CHD1: variants seen among roughly 807,000 people sequenced by gnomAD.
The protein encoded by CHD1 is chromodomain helicase DNA binding protein 1.
CHD1 carries 36 observed loss-of-function variants against 224.2 expected under a neutral mutation model. The ratio of observed to expected loss-of-function variants is 0.16; its 90% CI spans 0.12 to 0.21. The LOEUF (loss-of-function observed/expected upper bound fraction) is 0.21. Among genes scored for constraint, CHD1 ranks in the 10% least tolerant of loss-of-function variants. The probability of loss-of-function intolerance (pLI) is 1.00; values close to 1 mark genes in which losing one functional copy is unlikely to be tolerated. For synonymous variants in CHD1, 668 were observed against 658.3 expected, an observed-to-expected ratio of 1.01 and a Z score of -0.23; for missense variants, 1,378 against 1,994.8, an observed-to-expected ratio of 0.69 and a Z score of 5.89.
At chr5:98,891,034 TGA>T (rs1361627271) in intron 15 of CHD1, among the ~76,000 whole-genome samples, 1 of 152,212 alleles carries the variant, frequency 6.6e-6, no homozygotes, top group African/African-American at 2.4e-5. Context: ...TTGATTCTGC[TGA>T]GAGAGCAATA....
At chr5:98,912,745 G>A (rs1752505683) in intron 2 of CHD1, among the ~76,000 whole-genome samples, 1 of 152,148 alleles carries the variant, frequency 6.6e-6, no homozygotes, top group Admixed American at 6.5e-5. Context: ...AGTGCTAGTA[G>A]CACTAGAGAA....
At chr5:98,882,447 C>G (rs963840745) in intron 19 of CHD1, among the ~76,000 whole-genome samples, 3 of 151,538 alleles carry the variant, frequency 2.0e-5, no homozygotes, top group Non-Finnish European at 2.9e-5. Flanking sequence ...CTTCTGATAG[C>G]CTTCTTATAC....
intron 2 of CHD1, among the ~76,000 whole-genome samples, chr5:98,924,921 T>C (rs1044652945): frequency 1.3e-4 from 20 of 150,976 alleles, no homozygotes; most frequent in African/African-American, 4.6e-4. Context: ...GAGGTTGCAG[T>C]GAGCCGGGAT....
rs1324736069 is a variant in CHD1 at position 98,905,033 on chromosome 5, C to G, written c.119G>C (p.Ser40Thr). The G allele has an allele frequency of 6.3e-7, 1 of 1,575,168 alleles. No homozygotes were observed. Among genetic ancestry groups the G allele is most frequent in the African/African-American group, 1.3e-5 (1 of 74,156 alleles). ...ACCTGACTGGCTACTGCTTCCATCA[C>G]TACTGCTTCCAGAACTCGAACCAGA... Reference protein sequence around the residue: ...SGSGSSSGSSSDGSSSQSGSS... With the variant: ...SGSGSSSGSSTDGSSSQSGSS... Residue 40 changes from serine to threonine, a missense_variant, in exon 3 of 36, where the codon AGT becomes ACT. Transcript: ENST00000614616.
At chr5:98,857,906 G>A (rs951483335) in intron 35 of CHD1, among the ~76,000 whole-genome samples, 2 of 151,814 alleles carry the variant, frequency 1.3e-5, no homozygotes, top group Admixed American at 6.6e-5. Context: ...TCTTCAAAAC[G>A]AACAATGAAC....
chr5:98,893,218 T>A (rs1440185539), intron 14 of CHD1, among the ~76,000 whole-genome samples, 198 bp downstream of exon 14: 1 of 152,194 alleles, frequency 6.6e-6, no homozygotes, highest in Non-Finnish European at 1.5e-5. Flanking sequence ...TACACATGGC[T>A]TAAGTTTATT....
rs565340787 is a variant in CHD1 at position 98,921,259 on chromosome 5, C to T, written c.53+5075G>A. Among the ~76,000 whole-genome samples the T allele has an allele frequency of 4.6e-5, 7 of 152,256 alleles. No individual in the cohort carries two copies. In the East Asian group the frequency reaches 5.8e-4, roughly 13 times the overall value. On this transcript the variant is annotated intron_variant, in intron 2 of 35. Transcript: ENST00000614616. ...GCCATTGTTACTGCTTCCGGAGAAA[C>T]GAAACTTACCTAGCCTCTTGCTAGT...
chr5:98,885,473 T>C, intron 18 of CHD1, 105 bp downstream of exon 18: 2 of 782,296 alleles, frequency 2.6e-6, no homozygotes, highest in East Asian at 2.8e-5. Flanking sequence ...CACCACTCTT[T>C]TTTTATCAAA....
intron 17 of CHD1, among the ~76,000 whole-genome samples, chr5:98,886,735 T>TA (rs1750674511): frequency 6.6e-6 from 1 of 152,130 alleles, no homozygotes; most frequent in African/African-American, 2.4e-5. Context: ...ATTAAAGTTT[T>TA]AAAAAATTAA....
rs555515903 is a variant in CHD1 at position 98,868,882 on chromosome 5, C to T, written c.4108-247G>A. On this transcript the variant is annotated intron_variant, in intron 30 of 35. Transcript: ENST00000614616. Reference sequence around the variant, plus strand: ...TGTTCAGACCTACTATTCTCCTCTACTGCATACCCAAACATGCTTCTGAAG... The same window carrying T: ...TGTTCAGACCTACTATTCTCCTCTATTGCATACCCAAACATGCTTCTGAAG... The T allele has an allele frequency of 3.0e-5, 14 of 469,614 alleles. No individual in the cohort carries two copies. The South Asian group carries it at 7.7e-4, about 26-fold the overall frequency. 29.1% of individuals were successfully genotyped at this position (469,614 alleles called of 1,614,324 possible). A position where few individuals can be genotyped will look rare whatever the true frequency, so the allele number is the denominator to read the frequency against.
intron 31 of CHD1, among the ~76,000 whole-genome samples, chr5:98,868,173 T>C (rs1369368486): frequency 1.3e-5 from 2 of 151,224 alleles, no homozygotes; most frequent in Non-Finnish European, 1.5e-5. Context: ...TACAAAAAAC[T>C]AAAAATTAGC....
chr5:98,920,092 CATAA>C (rs1752992459), intron 2 of CHD1, among the ~76,000 whole-genome samples: 1 of 152,140 alleles, frequency 6.6e-6, no homozygotes, highest in African/African-American at 2.4e-5. Flanking sequence ...ACCTATTATA[CATAA>C]ATATATACAA....
chr5:98,900,421 A>G (rs1751625381), intron 7 of CHD1, among the ~76,000 whole-genome samples: 1 of 152,048 alleles, frequency 6.6e-6, no homozygotes, highest in South Asian at 2.1e-4. Flanking sequence ...AACACTGTAG[A>G]AAAATCTTAA....
Position 98,893,098 on chromosome 5 carries a change from C to T in CHD1, c.1991+318G>A, listed in dbSNP as rs1250611616. Reference sequence around the variant, plus strand: ...TTCCTCATTTAGAAAAAGGGATTACCAGCACCTCATTGTTGTTACTCCTAC... The same window carrying T: ...TTCCTCATTTAGAAAAAGGGATTACTAGCACCTCATTGTTGTTACTCCTAC... On this transcript the variant is annotated intron_variant, in intron 14 of 35. Coordinates refer to ENST00000614616, the MANE Select transcript of CHD1 (RefSeq NM_001270.4). 2.6e-5 allele frequency among the ~76,000 whole-genome samples: 4 copies of T among 152,092 alleles called. No individual in the cohort carries two copies. The East Asian group carries it at 7.7e-4, about 29-fold the overall frequency.
intron 32 of CHD1, among the ~76,000 whole-genome samples, chr5:98,861,662 C>T (rs1006234185): frequency 2.4e-4 from 37 of 151,468 alleles, no homozygotes; most frequent in African/African-American, 7.8e-4. Flanking sequence ...CCACCATGCC[C>T]GACTACTTTT....
At chr5:98,858,866 A>C in intron 34 of CHD1, 98 bp downstream of exon 34, 1 of 676,008 alleles carries the variant, frequency 1.5e-6, no homozygotes, top group Non-Finnish European at 2.3e-6. Flanking sequence ...ATAAATAAAA[A>C]CAAGGTAAGA....
intron 20 of CHD1, 132 bp downstream of exon 20, chr5:98,881,843 G>T: frequency 1.3e-6 from 1 of 753,286 alleles, no homozygotes; most frequent in Non-Finnish European, 2.0e-6. Flanking sequence ...CTAGAAATTA[G>T]TCCAAAGTCT....
At chr5:98,864,565 C>G (rs1748720152) in intron 31 of CHD1, among the ~76,000 whole-genome samples, 2 of 149,090 alleles carry the variant, frequency 1.3e-5, no homozygotes, top group Non-Finnish European at 3.0e-5. Flanking sequence ...CATGGTGGCG[C>G]ACACCTGTAG....
At chr5:98,924,575 C>T (rs1328385495) in intron 2 of CHD1, among the ~76,000 whole-genome samples, 1 of 152,206 alleles carries the variant, frequency 6.6e-6, no homozygotes, top group Non-Finnish European at 1.5e-5. Context: ...AGTAATAATG[C>T]TGCTTTCCAT....
Sources: gnomAD v4.1 joint callset for allele counts (sites outside exome capture counted in the v4.1 genomes callset) on GRCh38, gnomAD v4.1.1 for gene constraint, MANE v1.5 for transcripts, NCBI Gene and HGNC (gene_info 2026-07-23, HGNC 2026-07-21) for gene names.